The following KRT13 variants were observed in gnomAD, a reference collection of about 807,000 sequenced individuals.
KRT13 encodes the protein keratin 13.
Under a neutral mutation model 40.6 loss-of-function variants are expected in KRT13, and 27 were observed. That is an observed-to-expected ratio of 0.67 (90% CI 0.49 to 0.92). The LOEUF is 0.92. Ranked by LOEUF, KRT13 falls within the 40% of genes least tolerant of loss-of-function variation. The pLI is 0.00. For synonymous variants in KRT13, 266 were observed against 240.3 expected (o/e 1.11, Z -0.99); for missense variants, 605 against 611.5 (o/e 0.99, Z 0.11).
At position 41,501,302 on chromosome 17, in the gene KRT13, G is replaced by A. The variant is rs1459083545; in HGVS notation, c.1331C>T (p.Thr444Ile). 2.5e-6 allele frequency: 4 copies of A among 1,576,966 alleles called. No homozygotes were observed. Among genetic ancestry groups the A allele is most frequent in the Admixed American group, 3.8e-5 (2 of 53,110 alleles). The change falls in exon 8 of 8, where the codon ACC becomes ATC. Residue 444 changes from threonine (T) to isoleucine (I), a missense_variant. By Grantham distance (89) the Thr-to-Ile change is moderately conservative (BLOSUM62 -1). Coordinates refer to ENST00000246635, the MANE Select transcript of KRT13 (RefSeq NM_153490.3). ...TTTSSASVTT[T>I]SNASGRRTSD... ...AGTGCGGCGACCAGAGGCATTAGAG[G>A]TGGTGGTAACAGAGGCACTAGAAGT...
chr17:41,505,010 G>T, intron 1 of KRT13, 46 bp downstream of exon 1: 5 of 1,610,756 alleles, frequency 3.1e-6, no homozygotes, highest in Non-Finnish European at 4.2e-6. Context: ...GGCCTTGGAG[G>T]CTCTGCCCTT....
At chr17:41,502,078 G>T in intron 6 of KRT13, 2 of 1,416,972 alleles carry the variant, frequency 1.4e-6, no homozygotes, top group South Asian at 3.0e-5. Flanking sequence ...AGGGTCTAAA[G>T]GCAGTTAAAG....
chr17:41,502,285 T>A, intron 6 of KRT13, 89 bp downstream of exon 6: 1 of 1,611,432 alleles, frequency 6.2e-7, no homozygotes, highest in South Asian at 1.1e-5. Flanking sequence ...CTCTCTGACA[T>A]GAGGGGGTGG....
intron 6 of KRT13, 194 bp downstream of exon 6, chr17:41,502,180 G>T (rs1388060970): frequency 4.0e-6 from 6 of 1,487,272 alleles, no homozygotes; most frequent in Non-Finnish European, 5.4e-6. Context: ...GTTCCCTCCA[G>T]TCTAACTTGG....
chr17:41,504,980 C>T, intron 1 of KRT13, 76 bp downstream of exon 1: 1 of 1,561,146 alleles, frequency 6.4e-7, no homozygotes, highest in Non-Finnish European at 8.8e-7. Context: ...CACCTAGTCC[C>T]CCACAACACT....
Position 41,502,589 on chromosome 17 carries a change from C to T in KRT13, c.1029G>A (p.Ala343=), listed in dbSNP as rs150845230. ...IELQSQLSMK[A]GLENTVAETE... is the part of the protein sequence containing the mutation. ...TCTCTGCCACCGTGTTCTCCAGCCC[C>T]GCTTTCTGGTGGAGCGACAGACAAG... Residue 343 remains alanine (A), a synonymous_variant, in exon 6 of 8, where the codon GCG becomes GCA. Transcript: ENST00000246635. 5.9e-5 allele frequency: 95 copies of T among 1,613,578 alleles called. No individual in the cohort carries two copies. The highest frequency in any genetic ancestry group is 3.3e-4 in the South Asian group (30 of 91,084).
Position 41,505,182 on chromosome 17 carries a change from G to A in KRT13, c.369C>T (p.Arg123=), listed in dbSNP as rs746913289. The A allele has an allele frequency of 4.6e-5, 74 of 1,614,202 alleles. No homozygotes were observed. The highest frequency in any genetic ancestry group is 9.9e-5 in the South Asian group (9 of 91,082). ...GGTCAGCGTTGGCCTCCTCCAGGGC[G>A]CGCACCTTCTCCAGGTAGGAAGCCA... The part of the protein sequence containing the change: ...DRLASYLEKV[R]ALEEANADLE... Residue 123 remains arginine (R), a synonymous_variant, in exon 1 of 8, where the codon CGC becomes CGT. Coordinates refer to ENST00000246635, the MANE Select transcript of KRT13 (RefSeq NM_153490.3).
At chr17:41,501,825 G>A (rs538986969) in intron 6 of KRT13, 81 bp from the exon 7 acceptor site, 146 of 1,554,334 alleles carry the variant, frequency 9.4e-5, no homozygotes, top group East Asian at 8.0e-4. Flanking sequence ...GAAGTGCCTC[G>A]GCTTATCATT....
Position 41,503,118 on chromosome 17 carries a change from A to AGATGT in KRT13, c.736-25_736-21dup. 2 of 1,613,968 alleles carry AGATGT rather than the reference A, an allele frequency of 1.2e-6. No individual in the cohort carries two copies. The highest frequency in any genetic ancestry group is 2.2e-5 in the South Asian group (2 of 91,082). On this transcript the variant is annotated intron_variant, in intron 3 of 7. Coordinates refer to ENST00000246635, the MANE Select transcript of KRT13 (RefSeq NM_153490.3). ...CATCTCCTGTGGGGATGGGAAAGGA[A>AGATGT]GATGTGTGAGGCTACTCATCCTCCC...
chr17:41,501,239 G>C lies in KRT13; in HGVS notation c.*17C>G. ...CCTCTGGGTGCTGAAGACAGAGGGAGGGGACGCCAGGCAGATTTAAGGCCT... is the reference window on the plus strand; with the variant it reads ...CCTCTGGGTGCTGAAGACAGAGGGACGGGACGCCAGGCAGATTTAAGGCCT... On this transcript the variant is annotated 3_prime_UTR_variant, in exon 8 of 8. Transcript: ENST00000246635. 6.6e-7 allele frequency: 1 copy of C among 1,525,498 alleles called. No homozygotes were observed. Among genetic ancestry groups the C allele is most frequent in the Non-Finnish European group, 8.9e-7 (1 of 1,122,954 alleles). The allele number at this position is 1,525,498 out of a possible 1,614,324, so 94.5% of individuals were successfully genotyped here. A position where few individuals can be genotyped will look rare whatever the true frequency, so the allele number is the denominator to read the frequency against.
Position 41,503,788 on chromosome 17 carries a change from G to A in KRT13, c.496-63C>T, listed in dbSNP as rs536018954. 7 of 1,248,652 alleles carry A rather than the reference G, an allele frequency of 5.6e-6. No individual in the cohort carries two copies. In the Admixed American group the frequency reaches 1.2e-4, roughly 21 times the overall value. 77.3% of individuals were successfully genotyped at this position (1,248,652 alleles called of 1,614,324 possible). On this transcript the variant is annotated intron_variant, in intron 1 of 7. Coordinates refer to ENST00000246635, the MANE Select transcript of KRT13 (RefSeq NM_153490.3). ...GTGTCCAGTCTGTTGGCTTCCCTGG[G>A]CCACATTGGAAGAAGAATTGTCTTG...
In KRT13 at chr17:41,502,564, T is replaced by A; in HGVS notation, c.1054A>T (p.Thr352Ser). Residue 352 changes from threonine (T) to serine (S), a missense_variant, in exon 6 of 8, where the codon ACG becomes TCG. Transcript: ENST00000246635. The stretch of plus-strand genomic sequence containing the variant: ...AGCTGCAGGGCATAGCGGCACTCCG[T>A]CTCTGCCACCGTGTTCTCCAGCCCC... ...KAGLENTVAE[T>S]ECRYALQLQQ... 6.2e-7 allele frequency: 1 copy of A among 1,613,750 alleles called. No individual in the cohort carries two copies. Among genetic ancestry groups the A allele is most frequent in the Non-Finnish European group, 8.5e-7 (1 of 1,180,006 alleles).
Position 41,502,607 on chromosome 17 carries a change from C to T in KRT13, c.1024-13G>A. 1 of 1,613,330 alleles carries T rather than the reference C, an allele frequency of 6.2e-7. No individual in the cohort carries two copies. Among genetic ancestry groups the T allele is most frequent in the Non-Finnish European group, 8.5e-7 (1 of 1,180,022 alleles). On this transcript the variant is annotated splice_polypyrimidine_tract_variant and intron_variant, in intron 5 of 7. Coordinates refer to ENST00000246635, the MANE Select transcript of KRT13 (RefSeq NM_153490.3). Reference sequence around the variant, plus strand: ...CCAGCCCCGCTTTCTGGTGGAGCGACAGACAAGAAGTTACAGAGGGAGCCA... The same window carrying T: ...CCAGCCCCGCTTTCTGGTGGAGCGATAGACAAGAAGTTACAGAGGGAGCCA...
chr17:41,501,598 C>T (rs754682435), intron 7 of KRT13, 121 bp downstream of exon 7: 1 of 1,498,526 alleles, frequency 6.7e-7, no homozygotes, highest in Non-Finnish European at 9.1e-7. Context: ...CAGCTCTCCC[C>T]CTCCCTACAC....
chr17:41,503,761 G>A (rs933045041), intron 1 of KRT13, 36 bp from the exon 2 acceptor site: 1 of 1,552,130 alleles, frequency 6.4e-7, no homozygotes, highest in Non-Finnish European at 8.9e-7. Flanking sequence ...TCTAGGGCAT[G>A]GGTGTCCAGT....
At chr17:41,504,367 G>A (rs1904988218) in intron 1 of KRT13, 1 of 157,330 alleles carries the variant, frequency 6.4e-6, no homozygotes, top group African/African-American at 2.4e-5. Context: ...CAATCACTTT[G>A]CTAGAGCTGA....
rs749593745 is a variant in KRT13 at position 41,505,357 on chromosome 17, TAGCCACCTCCAA to T, written c.182_193del (p.Phe61_Gly64del). 1 of 1,613,586 alleles carries T rather than the reference TAGCCACCTCCAA, an allele frequency of 6.2e-7. No homozygotes were observed. The highest frequency in any genetic ancestry group is 1.1e-5 in the South Asian group (1 of 91,060). Reference sequence around the variant, plus strand: ...ATAGCCACCTCCAAGGCCACCTCCATAGCCACCTCCAAAGCCACTACCAGCCCCTCCACCAAA... The same window carrying T: ...ATAGCCACCTCCAAGGCCACCTCCATAGCCACTACCAGCCCCTCCACCAAA... On this transcript the variant is annotated inframe_deletion, in exon 1 of 8. Coordinates refer to ENST00000246635, the MANE Select transcript of KRT13 (RefSeq NM_153490.3).
In KRT13 at chr17:41,505,402, C is replaced by T; in HGVS notation, c.149G>A (p.Ser50Asn). The T allele has an allele frequency of 6.2e-7, 1 of 1,613,150 alleles. No individual in the cohort carries two copies. The highest frequency in any genetic ancestry group is 8.5e-7 in the Non-Finnish European group (1 of 1,179,206). ...GSAGGYGGGVSCGFGGGAGSG... is the reference protein window; with the variant it reads ...GSAGGYGGGVNCGFGGGAGSG... ...ACCAGCCCCTCCACCAAAACCACAG[C>T]TCACGCCGCCTCCATAGCCCCCAGC... Residue 50 changes from serine to asparagine, a missense_variant, in exon 1 of 8, where the codon AGC (serine) becomes AAC (asparagine). Physicochemically the swap from Ser to Asn is conservative, Grantham distance 46. Coordinates refer to ENST00000246635, the MANE Select transcript of KRT13 (RefSeq NM_153490.3).
rs746998705 is a variant in KRT13, at chr17:41,505,292, C to G, written c.259G>C (p.Gly87Arg). The change falls in exon 1 of 8, where the codon GGT (glycine) becomes CGT (arginine). Residue 87 changes from glycine to arginine, a missense_variant. Gly to Arg is a moderately radical substitution (Grantham distance 125, BLOSUM62 -2). Transcript: ENST00000246635. Reference protein sequence around the residue: ...LGGGFGGGFAGGFVDFGACDG... With the variant: ...LGGGFGGGFARGFVDFGACDG... ...CAAGCACCAAAGTCAACAAAGCCAC[C>G]AGCAAAACCCCCACCAAAGCCACCT... 4 of 1,614,154 alleles carry G rather than the reference C, an allele frequency of 2.5e-6. No homozygotes were observed. The highest frequency in any genetic ancestry group is 3.4e-6 in the Non-Finnish European group (4 of 1,180,016).
Sources: allele counts gnomAD v4.1 joint callset, GRCh38; gene constraint gnomAD v4.1.1; transcripts MANE v1.5; gene names NCBI Gene and HGNC (gene_info 2026-07-23, HGNC 2026-07-21).